PTPRD: variants seen among roughly 807,000 people sequenced by gnomAD.
PTPRD encodes protein tyrosine phosphatase receptor type D, also known as receptor-type tyrosine-protein phosphatase delta.
In PTPRD, 34 loss-of-function variants were observed where a neutral mutation model predicts 214.5. The observed-to-expected ratio is 0.16, with a 90% CI of 0.12 to 0.21. The LOEUF (loss-of-function observed/expected upper bound fraction) is 0.21, where lower values mean the gene tolerates loss of function less well. PTPRD is among the 10% of genes least tolerant of loss of function. The pLI, the probability that PTPRD is intolerant of heterozygous loss-of-function variation, is 1.00. For synonymous variants in PTPRD, 1,128 were observed against 845.7 expected, an observed-to-expected ratio of 1.33 and a Z score of -5.79; for missense variants, 2,545 against 2,398.7, an observed-to-expected ratio of 1.06 and a Z score of -1.27.
chr9:10,461,764 A>C (rs1013687373), intron 2 of PTPRD, among the ~76,000 whole-genome samples: 4 of 151,992 alleles, frequency 2.6e-5, no homozygotes, highest in African/African-American at 9.7e-5. Context: ...CTGGGATTAC[A>C]GGCGTGAGCC....
chr9:8,453,896 G>A (rs1169059597), intron 33 of PTPRD, among the ~76,000 whole-genome samples: 1 of 152,142 alleles, frequency 6.6e-6, no homozygotes, highest in African/African-American at 2.4e-5. Flanking sequence ...AGAAAGGTAG[G>A]TGATCTTCAA....
At chr9:8,885,488 CTTTTTTTTT>C (rs35568734) in intron 11 of PTPRD, among the ~76,000 whole-genome samples, 22 of 93,314 alleles carry the variant, frequency 2.4e-4, no homozygotes, top group East Asian at 1.0e-3. Flanking sequence ...CACACAGCCT[CTTTTTTTTT>C]TTTTTTTTTT....
At chr9:10,123,193 G>C (rs1567404) in intron 3 of PTPRD, among the ~76,000 whole-genome samples, 21,503 of 152,254 alleles carry the variant, frequency 0.14, 1,624 homozygotes, top group South Asian at 0.27. Context: ...AGGGGACACA[G>C]TGAATTGAAG....
At chr9:10,095,421 C>T (rs376767764) in intron 3 of PTPRD, among the ~76,000 whole-genome samples, 3 of 151,440 alleles carry the variant, frequency 2.0e-5, no homozygotes, top group Admixed American at 6.6e-5. Context: ...ACCTGCATGT[C>T]ATCTCTGATA....
At chr9:9,530,809 T>G (rs578223878) in intron 8 of PTPRD, among the ~76,000 whole-genome samples, 1 of 152,200 alleles carries the variant, frequency 6.6e-6, no homozygotes, top group South Asian at 2.1e-4. Flanking sequence ...ATATTTTCAC[T>G]CATATGTCAG....
At chr9:10,418,348 T>A (rs1301986619) in intron 2 of PTPRD, among the ~76,000 whole-genome samples, 2 of 151,508 alleles carry the variant, frequency 1.3e-5, no homozygotes, top group Admixed American at 6.6e-5. Flanking sequence ...AAGTATCCCT[T>A]TGCCCTTGGT....
At chr9:9,637,519 C>T (rs561267036) in intron 7 of PTPRD, among the ~76,000 whole-genome samples, 2 of 152,222 alleles carry the variant, frequency 1.3e-5, no homozygotes, top group Non-Finnish European at 2.9e-5. Context: ...ACTTAATCTT[C>T]CTTTACTCAT....
intron 2 of PTPRD, among the ~76,000 whole-genome samples, chr9:10,514,543 A>G (rs2049364167): frequency 6.6e-6 from 1 of 151,794 alleles, no homozygotes; most frequent in Non-Finnish European, 1.5e-5. Flanking sequence ...ATTGCAGTAA[A>G]TATTCAAATT....
At chr9:10,356,014 C>T (rs1422263989) in intron 2 of PTPRD, among the ~76,000 whole-genome samples, 2 of 151,720 alleles carry the variant, frequency 1.3e-5, no homozygotes, top group African/African-American at 2.4e-5. Flanking sequence ...ATCTATTAAG[C>T]GAATATATTA....
chr9:9,003,736 T>C (rs2099436208), intron 11 of PTPRD, among the ~76,000 whole-genome samples: 2 of 152,052 alleles, frequency 1.3e-5, no homozygotes, highest in Non-Finnish European at 2.9e-5. Flanking sequence ...TAATGCCCAT[T>C]CTGTGTTTTC....
chr9:9,954,309 A>AAAAAAC (rs1566685884), intron 4 of PTPRD, among the ~76,000 whole-genome samples: 1 of 144,134 alleles, frequency 6.9e-6, no homozygotes, highest in Non-Finnish European at 1.6e-5. Flanking sequence ...AAAAAAAAAA[A>AAAAAAC]AAAAAAAAAA....
intron 11 of PTPRD, among the ~76,000 whole-genome samples, chr9:8,808,269 C>A (rs796425548): frequency 2.0e-5 from 3 of 152,126 alleles, no homozygotes; most frequent in African/African-American, 7.2e-5. Context: ...TGAACAACAG[C>A]AACCACAGTG....
intron 31 of PTPRD, among the ~76,000 whole-genome samples, chr9:8,467,668 A>C (rs541454079): frequency 1.3e-5 from 2 of 151,850 alleles, no homozygotes; most frequent in South Asian, 4.2e-4. Flanking sequence ...TTAAGCTCTG[A>C]TACTCTAAAT....
chr9:9,100,627 T>C (rs1233285449), intron 10 of PTPRD, among the ~76,000 whole-genome samples: 2 of 152,122 alleles, frequency 1.3e-5, no homozygotes, highest in Non-Finnish European at 2.9e-5. Flanking sequence ...AAAAATTTAA[T>C]GACACAAACA....
At chr9:8,337,536 C>T (rs936444909) in intron 43 of PTPRD, among the ~76,000 whole-genome samples, 7 of 151,952 alleles carry the variant, frequency 4.6e-5, no homozygotes, top group South Asian at 2.1e-4. Context: ...CACCGTGGCA[C>T]ATGTATAATT....
At chr9:9,512,164 A>G (rs1026992277) in intron 8 of PTPRD, among the ~76,000 whole-genome samples, 2 of 151,840 alleles carry the variant, frequency 1.3e-5, no homozygotes, top group Admixed American at 1.3e-4. Flanking sequence ...TCTCTTATTC[A>G]AAGAGACCCA....
chr9:9,063,948 G>A lies in PTPRD; in HGVS notation c.-142-45213C>T, dbSNP rs78560224. Among the ~76,000 whole-genome samples the A allele has an allele frequency of 1.6e-4, 24 of 152,236 alleles. No homozygotes were observed. The East Asian group carries it at 3.9e-3, about 25-fold the overall frequency. On this transcript the variant is annotated intron_variant, in intron 10 of 45. Coordinates refer to ENST00000381196, the MANE Select transcript of PTPRD (RefSeq NM_002839.4). ...TTATATGACATGGCATTAATTCAGT[G>A]AAAGCTTTGCTGAATCCTAGAGTAT...
At chr9:9,055,178 A>T (rs2099693909) in intron 10 of PTPRD, among the ~76,000 whole-genome samples, 1 of 152,188 alleles carries the variant, frequency 6.6e-6, no homozygotes, top group African/African-American at 2.4e-5. Flanking sequence ...ATATACAAGA[A>T]AACATGTATA....
rs1555436289 is a variant in PTPRD at position 9,989,037 on chromosome 9, A to AAAC, written c.-472+44680_-472+44681insGTT. Reference sequence around the variant, plus strand: ...TGACCAAAAAAAAAAAAAAAAAAAAAAAAAAAAACCACAGACTTTACACAG... The same window carrying AAAC: ...TGACCAAAAAAAAAAAAAAAAAAAAAAACAAAAAAAACCACAGACTTTACACAG... On this transcript the variant is annotated intron_variant, in intron 4 of 45. Transcript: ENST00000381196. Among the ~76,000 whole-genome samples the AAAC allele has an allele frequency of 4.7e-3, 568 of 121,446 alleles. 51 individuals carry two copies. Among genetic ancestry groups the AAAC allele is most frequent in the East Asian group, 0.022 (90 of 4,010 alleles). The allele number at this position is 121,446 out of a possible 152,430, so 79.7% of individuals were successfully genotyped here.
Sources: gnomAD v4.1 joint callset for allele counts (sites outside exome capture counted in the v4.1 genomes callset) on GRCh38, gnomAD v4.1.1 for gene constraint, MANE v1.5 for transcripts, NCBI Gene and HGNC (gene_info 2026-07-23, HGNC 2026-07-21) for gene names.